APBA1: variants seen among roughly 807,000 people sequenced by gnomAD.
APBA1 encodes the protein amyloid beta precursor protein binding family A member 1, also known as amyloid-beta A4 precursor protein-binding family A member 1.
A neutral mutation model predicts 86.6 loss-of-function variants in APBA1; 55 were observed. The ratio of observed to expected loss-of-function variants is 0.64; its 90% CI spans 0.51 to 0.80. The LOEUF (loss-of-function observed/expected upper bound fraction) is 0.80, where lower values mean the gene tolerates loss of function less well. Ranked by LOEUF, APBA1 falls within the 30% of genes least tolerant of loss-of-function variation. APBA1 has a pLI of 0.00. For synonymous variants in APBA1, 511 were observed against 493.9 expected (o/e 1.03, Z -0.46); for missense variants, 1,090 against 1,183.0 (o/e 0.92, Z 1.15).
intron 1 of APBA1, among the ~76,000 whole-genome samples, chr9:69,529,581 T>C (rs1836392922): frequency 6.6e-6 from 1 of 152,178 alleles, no homozygotes; most frequent in East Asian, 1.9e-4. Flanking sequence ...GCATTTATAC[T>C]CTTCTAGTTC....
chr9:69,468,798 T>A (rs1329874048), intron 4 of APBA1, among the ~76,000 whole-genome samples: 1 of 152,242 alleles, frequency 6.6e-6, no homozygotes, highest in Non-Finnish European at 1.5e-5. Flanking sequence ...GTGATTAATA[T>A]ATAACTGTAT....
intron 2 of APBA1, among the ~76,000 whole-genome samples, chr9:69,495,897 C>T (rs953625095): frequency 5.3e-5 from 8 of 152,102 alleles, no homozygotes; most frequent in Non-Finnish European, 7.4e-5. Context: ...CCTCTAGGCA[C>T]GGGAAGTCTC....
chr9:69,518,077 T>C (rs1836196123), intron 1 of APBA1, among the ~76,000 whole-genome samples: 1 of 152,134 alleles, frequency 6.6e-6, no homozygotes, highest in Non-Finnish European at 1.5e-5. Flanking sequence ...GCTTCCCTAT[T>C]GCGCACTCAG....
At chr9:69,572,340 G>A (rs768466997) in intron 1 of APBA1, among the ~76,000 whole-genome samples, 7 of 152,170 alleles carry the variant, frequency 4.6e-5, no homozygotes, top group South Asian at 4.1e-4. Context: ...AACATGCAGT[G>A]TTTGGTTTTC....
chr9:69,628,534 C>A (rs563500205), intron 1 of APBA1, among the ~76,000 whole-genome samples: 13 of 152,132 alleles, frequency 8.5e-5, no homozygotes, highest in African/African-American at 3.1e-4. Flanking sequence ...AAAATAATCA[C>A]GGGAAGAAAT....
chr9:69,522,353 G>C (rs1472332981), intron 1 of APBA1, among the ~76,000 whole-genome samples: 1 of 147,846 alleles, frequency 6.8e-6, no homozygotes, highest in African/African-American at 2.5e-5. Flanking sequence ...ACATTGGCAT[G>C]ATCAGCCTTT....
At chr9:69,639,079 C>G (rs1823235723) in intron 1 of APBA1, among the ~76,000 whole-genome samples, 2 of 152,162 alleles carry the variant, frequency 1.3e-5, no homozygotes, top group Middle Eastern at 6.8e-3. Context: ...CCATCATGTT[C>G]ACTAAATTAT....
intron 2 of APBA1, among the ~76,000 whole-genome samples, chr9:69,490,642 G>C (rs1835693484): frequency 1.3e-5 from 2 of 151,996 alleles, no homozygotes. Flanking sequence ...CACAGCAAAA[G>C]AAACTACCAT....
At chr9:69,610,503 C>A (rs1274570825) in intron 1 of APBA1, among the ~76,000 whole-genome samples, 1 of 152,092 alleles carries the variant, frequency 6.6e-6, no homozygotes, top group African/African-American at 2.4e-5. Context: ...TTTGCTTGAT[C>A]TTCACACCTG....
chr9:69,643,829 T>C (rs1823339328), intron 1 of APBA1, among the ~76,000 whole-genome samples: 1 of 152,212 alleles, frequency 6.6e-6, no homozygotes, highest in Non-Finnish European at 1.5e-5. Context: ...TACAAGACCC[T>C]ACCTGGGCTG....
At chr9:69,468,911 C>A (rs563334530) in intron 4 of APBA1, among the ~76,000 whole-genome samples, 1 of 151,280 alleles carries the variant, frequency 6.6e-6, no homozygotes, top group East Asian at 1.9e-4. Context: ...CTCGCTAAGG[C>A]TGGAGTACAG....
chr9:69,530,327 TATACACACAC>T (rs1338537352), intron 1 of APBA1, among the ~76,000 whole-genome samples: 17 of 127,520 alleles, frequency 1.3e-4, no homozygotes, highest in East Asian at 4.6e-4. Context: ...TATATATATA[TATACACACAC>T]ACACACACAC....
At chr9:69,515,970 AC>A in intron 2 of APBA1, 40 bp downstream of exon 2, 3 of 1,472,422 alleles carry the variant, frequency 2.0e-6, no homozygotes, top group Non-Finnish European at 2.7e-6. Context: ...CTTCCCTCCC[AC>A]CGCGTGGGGC....
intron 1 of APBA1, among the ~76,000 whole-genome samples, chr9:69,611,306 A>AAAAAAAAAAC (rs1822584658): frequency 3.6e-5 from 5 of 138,332 alleles, no homozygotes; most frequent in Admixed American, 3.0e-4. Context: ...AAAAAAAAAC[A>AAAAAAAAAAC]AAAAAAAAAC....
intron 1 of APBA1, among the ~76,000 whole-genome samples, chr9:69,662,624 G>T (rs1823773785): frequency 6.6e-6 from 1 of 152,220 alleles, no homozygotes; most frequent in South Asian, 2.1e-4. Context: ...TGGAAGGGAA[G>T]TGGGCGTAGA....
intron 5 of APBA1, chr9:69,465,397 G>A (rs933487382): frequency 1.3e-5 from 2 of 152,202 alleles, no homozygotes; most frequent in African/African-American, 2.4e-5. Flanking sequence ...ATGTCTCTAT[G>A]TCTCTTTGAT....
chr9:69,533,031 A>G (rs1485578080), intron 1 of APBA1, among the ~76,000 whole-genome samples: 1 of 152,212 alleles, frequency 6.6e-6, no homozygotes, highest in Non-Finnish European at 1.5e-5. Flanking sequence ...TCATTAGGCA[A>G]TTGGTAAAAT....
At chr9:69,504,193 A>T (rs1835918888) in intron 2 of APBA1, among the ~76,000 whole-genome samples, 1 of 151,454 alleles carries the variant, frequency 6.6e-6, no homozygotes, top group Non-Finnish European at 1.5e-5. Context: ...AACTTCTGTG[A>T]GTCTTTTCTA....
At chr9:69,667,619 T>G (rs984421012) in intron 1 of APBA1, among the ~76,000 whole-genome samples, 1 of 150,230 alleles carries the variant, frequency 6.7e-6, no homozygotes, top group African/African-American at 2.5e-5. Flanking sequence ...CAATTGAGCC[T>G]CTCCCTTACA....
Sources: gnomAD v4.1 joint callset for allele counts (sites outside exome capture counted in the v4.1 genomes callset) on GRCh38, gnomAD v4.1.1 for gene constraint, MANE v1.5 for transcripts, NCBI Gene and HGNC (gene_info 2026-07-23, HGNC 2026-07-21) for gene names.